The following CADM2 variants were observed in gnomAD, a reference collection of about 807,000 sequenced individuals.
CADM2 encodes the protein cell adhesion molecule 2.
In CADM2, 12 loss-of-function variants were observed where a neutral mutation model predicts 49.8. That is an observed-to-expected ratio of 0.24 (90% CI 0.15 to 0.39). The LOEUF is 0.39. CADM2 is among the 10% of genes least tolerant of loss of function. The pLI, the probability that CADM2 is intolerant of heterozygous loss-of-function variation, is 1.00. For synonymous variants in CADM2, 214 were observed against 175.4 expected (o/e 1.22, Z -1.74); for missense variants, 378 against 492.3 (o/e 0.77, Z 2.20).
intron 1 of CADM2, among the ~76,000 whole-genome samples, chr3:85,460,037 C>T (rs1467194795): frequency 6.6e-6 from 1 of 152,116 alleles, no homozygotes; most frequent in Non-Finnish European, 1.5e-5. Flanking sequence ...ACCTTAGATA[C>T]TGTAAAAAAT....
chr3:85,941,014 A>C (rs886144004), intron 7 of CADM2, among the ~76,000 whole-genome samples: 1 of 152,052 alleles, frequency 6.6e-6, no homozygotes, highest in Non-Finnish European at 1.5e-5. Context: ...ACACTGACCC[A>C]TCATTACGAC....
At chr3:85,799,198 C>G (rs1282369347) in intron 2 of CADM2, among the ~76,000 whole-genome samples, 1 of 152,178 alleles carries the variant, frequency 6.6e-6, no homozygotes, top group Non-Finnish European at 1.5e-5. Flanking sequence ...TCTAAATATA[C>G]AATCATGTCA....
intron 1 of CADM2, among the ~76,000 whole-genome samples, chr3:85,030,522 CT>C (rs2034932157): frequency 6.6e-6 from 1 of 152,120 alleles, no homozygotes; most frequent in South Asian, 2.1e-4. Flanking sequence ...TGAAAATCAT[CT>C]TTGTTTTTAT....
chr3:86,017,437 A>G (rs974873944), intron 8 of CADM2, among the ~76,000 whole-genome samples: 2 of 152,106 alleles, frequency 1.3e-5, no homozygotes, highest in Non-Finnish European at 2.9e-5. Flanking sequence ...TGTTAGGAAG[A>G]AAAGTATTTT....
intron 1 of CADM2, among the ~76,000 whole-genome samples, chr3:85,610,015 T>C (rs2063635980): frequency 6.6e-6 from 1 of 152,016 alleles, no homozygotes; most frequent in Non-Finnish European, 1.5e-5. Context: ...ATTTATGACA[T>C]GTTTAGTCCC....
chr3:85,880,420 C>G (rs1018260899), intron 3 of CADM2, among the ~76,000 whole-genome samples: 1 of 152,018 alleles, frequency 6.6e-6, no homozygotes, highest in Non-Finnish European at 1.5e-5. Context: ...CTTCTTGATG[C>G]GTCAAGATTT....
chr3:85,366,645 A>T (rs1291377733), intron 1 of CADM2, among the ~76,000 whole-genome samples: 3 of 152,200 alleles, frequency 2.0e-5, no homozygotes, highest in African/African-American at 7.2e-5. Flanking sequence ...GAACAAAATT[A>T]ATAAACTAAC....
Position 85,656,412 on chromosome 3 carries a change from C to T in CADM2, c.62-70110C>T, listed in dbSNP as rs371721172. Among the ~76,000 whole-genome samples, 59 of 152,016 alleles carry T rather than the reference C, an allele frequency of 3.9e-4. 1 individual carries two copies. The highest frequency in any genetic ancestry group is 3.3e-3 in the East Asian group (17 of 5,152). Reference sequence around the variant, plus strand: ...CGGGCAGATCATGAGGTTAGGAGTTCGATACCAGCCTGGCCAACATGGTGA... The same window carrying T: ...CGGGCAGATCATGAGGTTAGGAGTTTGATACCAGCCTGGCCAACATGGTGA... On this transcript the variant is annotated intron_variant, in intron 1 of 9. Transcript: ENST00000383699.
intron 1 of CADM2, among the ~76,000 whole-genome samples, chr3:85,052,260 T>C (rs2035909284): frequency 1.3e-5 from 2 of 152,110 alleles, no homozygotes; most frequent in South Asian, 2.1e-4. Flanking sequence ...AGGTTATAGA[T>C]GAATCGAGAA....
At chr3:85,416,496 A>C (rs1013694771) in intron 1 of CADM2, among the ~76,000 whole-genome samples, 2 of 152,236 alleles carry the variant, frequency 1.3e-5, no homozygotes, top group African/African-American at 2.4e-5. Context: ...TATACAACAG[A>C]AAAGGGCTTT....
intron 1 of CADM2, among the ~76,000 whole-genome samples, chr3:85,010,851 CTTTTTTTTTT>C (rs71105001): frequency 1.4e-3 from 49 of 35,684 alleles, no homozygotes; most frequent in South Asian, 2.2e-3. Context: ...CTGTTTATGT[CTTTTTTTTTT>C]TTTTTTTTTT....
intron 3 of CADM2, among the ~76,000 whole-genome samples, chr3:85,836,254 A>G (rs1015034927): frequency 6.6e-6 from 1 of 151,614 alleles, no homozygotes; most frequent in African/African-American, 2.4e-5. Flanking sequence ...TGAGCTGAGA[A>G]GAGTTCTGGA....
chr3:85,775,746 T>G (rs761886916), intron 2 of CADM2, among the ~76,000 whole-genome samples: 1 of 151,872 alleles, frequency 6.6e-6, no homozygotes, highest in Non-Finnish European at 1.5e-5. Context: ...TCTGATACAA[T>G]AAACTTACTG....
intron 1 of CADM2, among the ~76,000 whole-genome samples, chr3:85,699,360 G>A (rs1050137801): frequency 5.9e-5 from 9 of 152,088 alleles, no homozygotes; most frequent in African/African-American, 2.2e-4. Context: ...TTCTGTGTGG[G>A]GCTCCAACCC....
chr3:85,081,465 A>C (rs2037162413), intron 1 of CADM2, among the ~76,000 whole-genome samples: 1 of 152,192 alleles, frequency 6.6e-6, no homozygotes, highest in African/African-American at 2.4e-5. Flanking sequence ...TGTTTATACC[A>C]AGTATAAGAT....
At chr3:85,921,604 T>A (rs1719126941) in intron 6 of CADM2, among the ~76,000 whole-genome samples, 1 of 152,120 alleles carries the variant, frequency 6.6e-6, no homozygotes, top group Non-Finnish European at 1.5e-5. Context: ...ATTATTAATA[T>A]CTTGCGTTAT....
intron 1 of CADM2, among the ~76,000 whole-genome samples, chr3:85,524,178 C>G (rs1027669059): frequency 1.6e-4 from 25 of 152,074 alleles, no homozygotes; most frequent in Admixed American, 1.5e-3. Flanking sequence ...AAAGAGGCAG[C>G]TTTTTATTTC....
chr3:85,766,653 C>A (rs116387442), intron 2 of CADM2, among the ~76,000 whole-genome samples: 95 of 152,238 alleles, frequency 6.2e-4, no homozygotes, highest in African/African-American at 2.3e-3. Flanking sequence ...TAATTCTTTA[C>A]GTCAGTTTAG....
At chr3:85,399,900 C>A (rs2035008882) in intron 1 of CADM2, among the ~76,000 whole-genome samples, 8 of 152,168 alleles carry the variant, frequency 5.3e-5, no homozygotes, top group Admixed American at 4.6e-4. Flanking sequence ...AATATACAAT[C>A]ATGTCATCTG....
Sources: gnomAD v4.1 joint callset for allele counts (sites outside exome capture counted in the v4.1 genomes callset) on GRCh38, gnomAD v4.1.1 for gene constraint, MANE v1.5 for transcripts, NCBI Gene and HGNC (gene_info 2026-07-23, HGNC 2026-07-21) for gene names.